The following C4BPA variants were observed in gnomAD, a reference collection of about 807,000 sequenced individuals.
C4BPA encodes complement component 4 binding protein alpha, also known as C4b-binding protein alpha chain.
In C4BPA, 31 loss-of-function variants were observed where a neutral mutation model predicts 63.7. The observed-to-expected ratio is 0.49, with a 90% CI of 0.37 to 0.66. C4BPA has a LOEUF of 0.66. Among genes scored for constraint, C4BPA ranks in the 30% least tolerant of loss-of-function variants. C4BPA has a pLI of 0.00. For synonymous variants in C4BPA, 259 were observed against 254.7 expected, an observed-to-expected ratio of 1.02 and a Z score of -0.16; for missense variants, 572 against 723.3, an observed-to-expected ratio of 0.79 and a Z score of 2.40.
At chr1:207,125,648 C>A (rs1052847597) in intron 6 of C4BPA, among the ~76,000 whole-genome samples, 1 of 152,132 alleles carries the variant, frequency 6.6e-6, no homozygotes, top group African/African-American at 2.4e-5. Context: ...CAAGAAGGCA[C>A]CATCTTGAAA....
At chr1:207,143,223 A>T (rs761550420) in intron 10 of C4BPA, among the ~76,000 whole-genome samples, 30 of 151,998 alleles carry the variant, frequency 2.0e-4, no homozygotes, top group Non-Finnish European at 2.5e-4. Flanking sequence ...TTCTCAGCAA[A>T]CTAATGCAGG....
chr1:207,121,684 T>C (rs1283743066), intron 4 of C4BPA, among the ~76,000 whole-genome samples: 1 of 152,130 alleles, frequency 6.6e-6, no homozygotes, highest in Non-Finnish European at 1.5e-5. Flanking sequence ...ATTAAAAATA[T>C]ATGGTGGTAT....
intron 1 of C4BPA, among the ~76,000 whole-genome samples, chr1:207,104,639 A>G (rs1425423233): frequency 6.6e-6 from 1 of 152,232 alleles, no homozygotes; most frequent in Non-Finnish European, 1.5e-5. Flanking sequence ...AAAATTATAA[A>G]TGGAGGAATA....
intron 6 of C4BPA, among the ~76,000 whole-genome samples, chr1:207,125,409 C>A (rs1397951076): frequency 6.6e-6 from 1 of 152,146 alleles, no homozygotes; most frequent in Non-Finnish European, 1.5e-5. Flanking sequence ...CTGACAGTCA[C>A]CTGCTATGGC....
chr1:207,106,470 C>T (rs1256207264), intron 1 of C4BPA, among the ~76,000 whole-genome samples: 8 of 104,750 alleles, frequency 7.6e-5, no homozygotes, highest in Admixed American at 2.6e-4. Flanking sequence ...AACGGAGTCT[C>T]GCTTTGTTGC....
intron 10 of C4BPA, 28 bp downstream of exon 10, chr1:207,141,304 G>C (rs749060998): frequency 6.3e-7 from 1 of 1,596,104 alleles, no homozygotes; most frequent in Admixed American, 1.7e-5. Context: ...TTCAGCTCAA[G>C]ATTAAGTGGG....
intron 10 of C4BPA, among the ~76,000 whole-genome samples, chr1:207,142,929 G>A (rs113463700): frequency 0.17 from 26,198 of 151,936 alleles, 6,315 homozygotes; most frequent in African/African-American, 0.54. Flanking sequence ...ACAGTGTGGC[G>A]ATTCCTCAAG....
At chr1:207,116,710 G>A (rs559079423) in intron 4 of C4BPA, among the ~76,000 whole-genome samples, 67 of 151,654 alleles carry the variant, frequency 4.4e-4, no homozygotes, top group South Asian at 1.2e-3. Flanking sequence ...AAAAAAAATC[G>A]CCTATATTTC....
At chr1:207,110,009 A>G (rs187216568) in intron 1 of C4BPA, among the ~76,000 whole-genome samples, 6 of 152,330 alleles carry the variant, frequency 3.9e-5, no homozygotes, top group East Asian at 3.9e-4. Context: ...TTTAAATTCA[A>G]TGCACATTTT....
rs1362527908 is a variant in C4BPA, at chr1:207,124,167, T to C, written c.515-8T>C. Reference sequence around the variant, plus strand: ...GAGTATTTCTTTCTCTTCACTCACTTACCTCAGTTGTCAAGTGTAAGCCTC... The same window carrying C: ...GAGTATTTCTTTCTCTTCACTCACTCACCTCAGTTGTCAAGTGTAAGCCTC... On this transcript the variant is annotated splice_region_variant and splice_polypyrimidine_tract_variant and intron_variant, in intron 5 of 11. Coordinates refer to ENST00000367070, the MANE Select transcript of C4BPA (RefSeq NM_000715.4). 1 of 1,611,138 alleles carries C rather than the reference T, an allele frequency of 6.2e-7. No homozygotes were observed. Among genetic ancestry groups the C allele is most frequent in the Admixed American group, 1.7e-5 (1 of 59,894 alleles).
chr1:207,116,495 AGTGTGTGTGTGTGTGTGTATATGTGT>A (rs749076817), intron 4 of C4BPA, among the ~76,000 whole-genome samples: 22 of 124,500 alleles, frequency 1.8e-4, no homozygotes, highest in South Asian at 5.6e-4. Flanking sequence ...CTTTTCCCAC[AGTGTGTGTGTGTGTGTGTATATGTGT>A]GTGTGTGTGT....
intron 4 of C4BPA, among the ~76,000 whole-genome samples, chr1:207,122,500 T>G (rs1346310061): frequency 6.6e-6 from 1 of 152,206 alleles, no homozygotes; most frequent in Non-Finnish European, 1.5e-5. Flanking sequence ...CTTGGTTTAA[T>G]TTTTTGCTAC....
At chr1:207,123,627 A>G (rs1368259926) in intron 4 of C4BPA, among the ~76,000 whole-genome samples, 6 of 152,218 alleles carry the variant, frequency 3.9e-5, no homozygotes, top group Admixed American at 3.9e-4. Flanking sequence ...AGACAACCAC[A>G]GAACACGCTG....
At chr1:207,135,578 A>G (rs557996799) in intron 9 of C4BPA, among the ~76,000 whole-genome samples, 52 of 152,298 alleles carry the variant, frequency 3.4e-4, no homozygotes, top group Non-Finnish European at 6.2e-4. Flanking sequence ...GTGAAGCACA[A>G]ATTTCCCAAG....
At chr1:207,125,037 T>G (rs774659050) in intron 6 of C4BPA, among the ~76,000 whole-genome samples, 6 of 152,052 alleles carry the variant, frequency 3.9e-5, no homozygotes, top group Non-Finnish European at 8.8e-5. Context: ...GATAATTGAG[T>G]CAAAAGATAT....
Position 207,113,000 on chromosome 1 carries a change from G to GA in C4BPA, c.-21dup. The GA allele has an allele frequency of 6.4e-7, 1 of 1,553,372 alleles. No individual in the cohort carries two copies. The highest frequency in any genetic ancestry group is 1.2e-5 in the South Asian group (1 of 80,798). On this transcript the variant is annotated splice_region_variant and 5_prime_UTR_variant. Transcript: ENST00000367070. ...TTTATTAAATTGAGTTCTTTCAGCA[G>GA]AAAAACATCAGCGAAGCAGCAGGCC...
chr1:207,107,262 T>C (rs1306119506), intron 1 of C4BPA, among the ~76,000 whole-genome samples: 1 of 152,116 alleles, frequency 6.6e-6, no homozygotes, highest in Non-Finnish European at 1.5e-5. Flanking sequence ...TTTAAAAAAA[T>C]CCTGGCTTTG....
At position 207,137,559 on chromosome 1, in the gene C4BPA, A is replaced by G. The variant is rs77299778; in HGVS notation, c.1273+2967A>G. On this transcript the variant is annotated intron_variant, in intron 9 of 11. Transcript: ENST00000367070. ...TGAATTATTATCAGAAGAAAGGAAT[A>G]TCTGGTTTATGATAAGGGGTTGTGG... 5.6e-3 allele frequency among the ~76,000 whole-genome samples: 849 copies of G among 152,184 alleles called. 3 individuals carry two copies. Among genetic ancestry groups the G allele is most frequent in the Non-Finnish European group, 8.3e-3 (565 of 68,014 alleles).
intron 10 of C4BPA, among the ~76,000 whole-genome samples, chr1:207,142,689 A>G (rs1471040659): frequency 1.3e-5 from 2 of 152,116 alleles, no homozygotes; most frequent in African/African-American, 4.8e-5. Flanking sequence ...GTATTTTTTC[A>G]TAGGTCTGTT....
Sources: gnomAD v4.1 joint callset for allele counts (sites outside exome capture counted in the v4.1 genomes callset) on GRCh38, gnomAD v4.1.1 for gene constraint, MANE v1.5 for transcripts, NCBI Gene and HGNC (gene_info 2026-07-23, HGNC 2026-07-21) for gene names.